LY96: variants seen among roughly 807,000 people sequenced by gnomAD.
LY96 encodes lymphocyte antigen 96, also known as myeloid differentiation protein-2.
LY96 carries 18 observed loss-of-function variants against 18.9 expected under a neutral mutation model. The observed-to-expected ratio is 0.95, with a 90% CI of 0.66 to 1.41. The LOEUF is 1.41. Ranked by LOEUF, LY96 falls within the 40% of genes most tolerant of loss-of-function variation. LY96 has a pLI of 0.00. For missense variants in LY96, 175 were observed against 182.4 expected (o/e 0.96, Z 0.23); for synonymous variants, 66 against 62.6 (o/e 1.06, Z -0.26).
chr8:74,026,049 G>A (rs1816864997), intron 3 of LY96, among the ~76,000 whole-genome samples: 2 of 152,108 alleles, frequency 1.3e-5, no homozygotes. Flanking sequence ...GATACATCCA[G>A]AAGTAAATAA....
At chr8:74,003,059 C>G (rs1816331676) in intron 1 of LY96, among the ~76,000 whole-genome samples, 1 of 152,162 alleles carries the variant, frequency 6.6e-6, no homozygotes, top group Non-Finnish European at 1.5e-5. Flanking sequence ...TTGTCTTGCT[C>G]CTTTGTTTGA....
At chr8:74,095,205 T>G in the LY96 span, among the ~76,000 whole-genome samples, 1 of 152,222 alleles carries the variant, frequency 6.6e-6, no homozygotes, top group Non-Finnish European at 1.5e-5. Context: ...GTCAATGACC[T>G]TTTATTTTTT....
downstream of LY96, among the ~76,000 whole-genome samples, chr8:74,031,400 G>A (rs1183293888): frequency 6.6e-6 from 1 of 152,154 alleles, no homozygotes; most frequent in African/African-American, 2.4e-5. Flanking sequence ...ATCCAAAGCG[G>A]GCGCATCACA....
chr8:74,042,725 C>T, the LY96 span, among the ~76,000 whole-genome samples: 2 of 151,652 alleles, frequency 1.3e-5, no homozygotes, highest in Non-Finnish European at 2.9e-5. Flanking sequence ...TTTAGTAGTC[C>T]TTAAAAGTTT....
At chr8:74,060,184 G>T in the LY96 span, among the ~76,000 whole-genome samples, 1 of 152,160 alleles carries the variant, frequency 6.6e-6, no homozygotes, top group East Asian at 1.9e-4. Flanking sequence ...CGACGACAAC[G>T]AAAAACTTCC....
chr8:74,073,298 G>T, the LY96 span, among the ~76,000 whole-genome samples: 1 of 152,180 alleles, frequency 6.6e-6, no homozygotes, highest in African/African-American at 2.4e-5. Flanking sequence ...CCTGCCATCA[G>T]GTGAGTCAGT....
At chr8:74,069,430 G>C in the LY96 span, among the ~76,000 whole-genome samples, 1 of 152,178 alleles carries the variant, frequency 6.6e-6, no homozygotes, top group Non-Finnish European at 1.5e-5. Context: ...CTGGGGAAAG[G>C]AAGCCTCGTT....
At chr8:74,040,378 G>T in the LY96 span, among the ~76,000 whole-genome samples, 6 of 152,188 alleles carry the variant, frequency 3.9e-5, no homozygotes, top group Middle Eastern at 3.2e-3. Context: ...GGTTGCTTGT[G>T]CTTGTGGGGT....
At chr8:73,991,687 A>T in intron 1 of LY96, 133 bp downstream of exon 1, 9 of 645,972 alleles carry the variant, frequency 1.4e-5, no homozygotes, top group Non-Finnish European at 2.5e-5. Context: ...GGACGCTGCC[A>T]GCAGGAAAAG....
At chr8:74,031,634 CAAAA>C (rs59273111), downstream of LY96, among the ~76,000 whole-genome samples, 2 of 103,628 alleles carry the variant, frequency 1.9e-5, no homozygotes, top group Non-Finnish European at 2.2e-5. Context: ...GACTCTGTCT[CAAAA>C]AAAAAAAAAA....
At chr8:74,016,759 CAG>C (rs1167645521) in intron 3 of LY96, among the ~76,000 whole-genome samples, 1 of 152,220 alleles carries the variant, frequency 6.6e-6, no homozygotes, top group East Asian at 1.9e-4. Context: ...CCCAGGCAAA[CAG>C]GGTCTGGAGT....
chr8:74,062,420 A>C, the LY96 span, among the ~76,000 whole-genome samples: 2 of 140,436 alleles, frequency 1.4e-5, no homozygotes, highest in Admixed American at 7.4e-5. Context: ...GACAGGCCCC[A>C]GTGTATGTTG....
the LY96 span, among the ~76,000 whole-genome samples, chr8:74,037,303 A>G: frequency 6.6e-6 from 1 of 152,146 alleles, no homozygotes. Flanking sequence ...CTCTGGATGA[A>G]GATGATACTG....
chr8:74,014,008 C>T (rs1456760106), intron 3 of LY96, among the ~76,000 whole-genome samples: 2 of 151,834 alleles, frequency 1.3e-5, no homozygotes, highest in Non-Finnish European at 2.9e-5. Flanking sequence ...GGAAGAGCAT[C>T]CAGGAGGCTC....
the LY96 span, among the ~76,000 whole-genome samples, chr8:74,044,477 C>T: frequency 6.6e-6 from 1 of 152,154 alleles, no homozygotes; most frequent in Non-Finnish European, 1.5e-5. Flanking sequence ...CTGTGAGCCA[C>T]TGTACCCATC....
chr8:74,041,697 G>C, the LY96 span, among the ~76,000 whole-genome samples: 14 of 151,902 alleles, frequency 9.2e-5, no homozygotes, highest in East Asian at 3.9e-4. Context: ...GGCTTATTAG[G>C]GTGGGGAAAC....
the LY96 span, among the ~76,000 whole-genome samples, chr8:74,084,031 T>G: frequency 6.6e-6 from 1 of 152,098 alleles, no homozygotes; most frequent in East Asian, 1.9e-4. Context: ...TCTTTTTTTT[T>G]TTTTGTTTCG....
chr8:73,996,252 C>T (rs1471758018), intron 1 of LY96, among the ~76,000 whole-genome samples: 1 of 152,144 alleles, frequency 6.6e-6, no homozygotes, highest in African/African-American at 2.4e-5. Context: ...GTTCTCCTGC[C>T]TTGGCCTTCC....
the LY96 span, among the ~76,000 whole-genome samples, chr8:74,076,265 A>G: frequency 2.0e-5 from 3 of 151,626 alleles, no homozygotes; most frequent in Non-Finnish European, 4.4e-5. Context: ...ATAGATTAAG[A>G]AAGACTTAAG....
Sources: gnomAD v4.1 joint callset for allele counts (sites outside exome capture counted in the v4.1 genomes callset) on GRCh38, gnomAD v4.1.1 for gene constraint, MANE v1.5 for transcripts, NCBI Gene and HGNC (gene_info 2026-07-23, HGNC 2026-07-21) for gene names.